Variants in SPTBN1 observed in about 807,000 individuals in gnomAD.
The protein encoded by SPTBN1 is spectrin beta chain, non-erythrocytic 1.
SPTBN1 carries 32 observed loss-of-function variants against 266.4 expected under a neutral mutation model. The observed-to-expected ratio is 0.12, with a 90% CI of 0.09 to 0.16. The LOEUF (loss-of-function observed/expected upper bound fraction) is 0.16. SPTBN1 is among the 10% of genes least tolerant of loss of function. The probability of loss-of-function intolerance (pLI) is 1.00; values close to 1 mark genes in which losing one functional copy is unlikely to be tolerated. For synonymous variants in SPTBN1, 1,336 were observed against 1,162.2 expected (o/e 1.15, Z -3.04); for missense variants, 2,296 against 3,067.1 (o/e 0.75, Z 5.94).
At chr2:54,660,301 G>T in intron 32 of SPTBN1, 1 of 1,298,776 alleles carries the variant, frequency 7.7e-7, no homozygotes, top group Non-Finnish European at 9.8e-7. Context: ...TTTATTGTGA[G>T]CTTTTTACTT....
chr2:54,632,818 A>G (rs758324409), intron 17 of SPTBN1, 50 bp downstream of exon 17: 7 of 1,593,142 alleles, frequency 4.4e-6, no homozygotes, highest in Middle Eastern at 1.7e-4. Flanking sequence ...GGGGCTCTCA[A>G]ACTTCTGAAT....
At chr2:54,647,583 A>C (rs534713483) in intron 24 of SPTBN1, among the ~76,000 whole-genome samples, 1 of 152,296 alleles carries the variant, frequency 6.6e-6, no homozygotes, top group South Asian at 2.1e-4. Flanking sequence ...TTACACTTGT[A>C]ATCCCAGCAC....
At chr2:54,643,377 G>GT (rs1679705719) in intron 19 of SPTBN1, among the ~76,000 whole-genome samples, 1 of 152,218 alleles carries the variant, frequency 6.6e-6, no homozygotes, top group Admixed American at 6.5e-5. Context: ...TAGGCATTTA[G>GT]TTTCTGTTGT....
At chr2:54,593,490 G>A (rs890653047) in intron 2 of SPTBN1, among the ~76,000 whole-genome samples, 7 of 152,270 alleles carry the variant, frequency 4.6e-5, no homozygotes, top group Non-Finnish European at 8.8e-5. Context: ...TGTGTTGGTA[G>A]GTAAGTGATG....
At chr2:54,648,015 GAAC>G (rs1333332528) in intron 24 of SPTBN1, among the ~76,000 whole-genome samples, 2 of 152,160 alleles carry the variant, frequency 1.3e-5, no homozygotes, top group Non-Finnish European at 2.9e-5. Flanking sequence ...CTCCCAGGAA[GAAC>G]AAAGTGATAA....
At position 54,628,868 on chromosome 2, in the gene SPTBN1, C is replaced by T; in HGVS notation, c.1799-65C>T. 1 of 1,511,468 alleles carries T rather than the reference C, an allele frequency of 6.6e-7. No homozygotes were observed. 93.6% of individuals were successfully genotyped at this position (1,511,468 alleles called of 1,614,324 possible). A position where few individuals can be genotyped will look rare whatever the true frequency, so the allele number is the denominator to read the frequency against. On this transcript the variant is annotated intron_variant, in intron 13 of 35. Coordinates refer to ENST00000356805, the MANE Select transcript of SPTBN1 (RefSeq NM_003128.3). This position sits in a 1 kb window ranked among gnomAD's most constrained non-coding sequence, Gnocchi z 4.3. ...AATATGGGGTGTAGCTTACTGCCTG[C>T]CAGTGAGCCTGCACCCATGCTGAGC...
At chr2:54,514,661 A>G (rs1573310804) in intron 1 of SPTBN1, among the ~76,000 whole-genome samples, 1 of 152,174 alleles carries the variant, frequency 6.6e-6, no homozygotes, top group East Asian at 1.9e-4. Flanking sequence ...GGGACCCATG[A>G]TATGTGAAAT....
intron 1 of SPTBN1, among the ~76,000 whole-genome samples, chr2:54,462,636 C>T (rs1693422670): frequency 6.6e-6 from 1 of 152,046 alleles, no homozygotes; most frequent in Admixed American, 6.5e-5. Flanking sequence ...AGAATTAGTT[C>T]CTGAATGAAA....
intron 4 of SPTBN1, among the ~76,000 whole-genome samples, chr2:54,614,842 C>G (rs569652426): frequency 6.6e-6 from 1 of 151,998 alleles, no homozygotes; most frequent in South Asian, 2.1e-4. Flanking sequence ...GAGTGGAAGT[C>G]TCTAAGTTTG....
At chr2:54,470,155 C>A (rs912674048) in intron 1 of SPTBN1, among the ~76,000 whole-genome samples, 4 of 152,156 alleles carry the variant, frequency 2.6e-5, no homozygotes, top group Non-Finnish European at 5.9e-5. Context: ...TTGCTTAATT[C>A]ATAAAAGGTA....
intron 11 of SPTBN1, 137 bp downstream of exon 11, chr2:54,625,099 C>T: frequency 1.0e-6 from 1 of 987,426 alleles, no homozygotes; most frequent in Non-Finnish European, 1.4e-6. Flanking sequence ...CACCTTGGCC[C>T]CTTCCCATTA....
Position 54,559,000 on chromosome 2 carries a change from G to T in SPTBN1, c.148+32434G>T. On this transcript the variant is annotated intron_variant, in intron 2 of 35. Coordinates refer to ENST00000356805, the MANE Select transcript of SPTBN1 (RefSeq NM_003128.3). The surrounding 1 kb of genome is among the most constrained non-coding windows in gnomAD (Gnocchi z 4.6). ...GCTTCACAGCTCGGCCCCAGACCCT[G>T]TGGTTGGCTGCGGGCACCCCATTCA... The T allele has an allele frequency of 3.9e-6, 5 of 1,269,666 alleles. No individual in the cohort carries two copies. In the South Asian group the frequency reaches 6.3e-5, roughly 16 times the overall value. The allele number at this position is 1,269,666 out of a possible 1,614,324, so 78.7% of individuals were successfully genotyped here.
chr2:54,476,080 G>T lies in SPTBN1; in HGVS notation c.-48+19562G>T, dbSNP rs191440539. Among the ~76,000 whole-genome samples the T allele has an allele frequency of 3.5e-3, 534 of 151,550 alleles. 3 individuals are homozygous for T. Among genetic ancestry groups the T allele is most frequent in the African/African-American group, 0.012 (511 of 41,324 alleles). ...CTTCCATAGTTTATCAGGCAGGTTA[G>T]GCTGGTGCTGCAGTAACAAAGATCT... On this transcript the variant is annotated intron_variant, in intron 1 of 35. Transcript: ENST00000356805.
chr2:54,459,200 A>C (rs1693230223), intron 1 of SPTBN1, among the ~76,000 whole-genome samples: 1 of 152,252 alleles, frequency 6.6e-6, no homozygotes, highest in Admixed American at 6.5e-5. Flanking sequence ...TGGAGTGACC[A>C]AAACCTTCAT....
intron 1 of SPTBN1, among the ~76,000 whole-genome samples, chr2:54,482,597 T>C (rs1668156381): frequency 6.6e-6 from 1 of 152,332 alleles, no homozygotes; most frequent in Non-Finnish European, 1.5e-5. Flanking sequence ...AAGTTACTTA[T>C]GTTTATGTGA....
rs191815242 is a variant in SPTBN1, at chr2:54,597,437, C to T, written c.149-1655C>T. The stretch of plus-strand genomic sequence containing the variant: ...TGCCCCTTACTGTCTTTTTCTGCTT[C>T]CTCTAATCCTGTCCTTTTTGATCCT... On this transcript the variant is annotated intron_variant, in intron 2 of 35. Coordinates refer to ENST00000356805, the MANE Select transcript of SPTBN1 (RefSeq NM_003128.3). Among the ~76,000 whole-genome samples the T allele has an allele frequency of 4.3e-4, 65 of 152,324 alleles. 2 individuals carry two copies. The East Asian group carries it at 0.012, about 27-fold the overall frequency.
chr2:54,499,265 C>T (rs111767471), intron 1 of SPTBN1, among the ~76,000 whole-genome samples: 1,670 of 152,256 alleles, frequency 0.011, 20 homozygotes, highest in African/African-American at 0.038. Flanking sequence ...AAGTTGGAAA[C>T]TAATGTTGCT....
intron 2 of SPTBN1, among the ~76,000 whole-genome samples, chr2:54,557,410 GGA>G (rs922565114): frequency 8.0e-5 from 12 of 150,270 alleles, no homozygotes; most frequent in East Asian, 4.0e-4. Context: ...ACAGGAGGGT[GGA>G]GAGAGAGGGG....
intron 2 of SPTBN1, among the ~76,000 whole-genome samples, chr2:54,547,504 G>GT (rs1249018185): frequency 6.6e-6 from 1 of 152,168 alleles, no homozygotes; most frequent in East Asian, 1.9e-4. Flanking sequence ...CCATATGGTA[G>GT]TTATATTTTT....
Sources: allele counts gnomAD v4.1 joint callset (sites outside exome capture counted in the v4.1 genomes callset), GRCh38; gene constraint gnomAD v4.1.1; non-coding constraint Gnocchi (gnomAD v3.1); transcripts MANE v1.5; gene names NCBI Gene and HGNC (gene_info 2026-07-23, HGNC 2026-07-21).